The following NRK variants were observed in gnomAD, a reference collection of about 807,000 sequenced individuals.
NRK encodes the protein nik-related protein kinase.
In NRK, 67 loss-of-function variants were observed where a neutral mutation model predicts 125.2. The observed-to-expected ratio is 0.54, with a 90% CI of 0.44 to 0.66. The LOEUF (loss-of-function observed/expected upper bound fraction) is 0.66. Among genes scored for constraint, NRK ranks in the 30% least tolerant of loss-of-function variants. The pLI is 0.00. For missense variants in NRK, 1,224 were observed against 1,192.9 expected (o/e 1.03, Z -0.38); for synonymous variants, 458 against 429.0 (o/e 1.07, Z -0.84).
intron 21 of NRK, among the ~76,000 whole-genome samples, chrX:105,936,886 T>A (rs2040672584): frequency 9.0e-6 from 1 of 111,710 alleles, no homozygotes; most frequent in South Asian, 3.7e-4. Context: ...ATAGAATCAT[T>A]CAATTTAAAA....
At position 105,956,564 on chromosome X, in the gene NRK, T is replaced by C. The variant is rs1208152856; in HGVS notation, c.*964T>C. On this transcript the variant is annotated 3_prime_UTR_variant, in exon 29 of 29. Transcript: ENST00000243300. ...CCTTCCAGTATTAAACAAAAAGAAT[T>C]AAACATAACTATGAAAAAACTTTGC... The C allele has an allele frequency of 8.9e-6, 1 of 112,010 alleles. No homozygotes were observed. The highest frequency in any genetic ancestry group is 9.6e-5 in the Admixed American group (1 of 10,471). The allele number at this position is 112,010 out of a possible 1,213,427, so 9.2% of individuals were successfully genotyped here.
intron 2 of NRK, among the ~76,000 whole-genome samples, chrX:105,839,894 A>G (rs1381425844): frequency 1.8e-5 from 2 of 111,672 alleles, no homozygotes; most frequent in Non-Finnish European, 3.8e-5. Context: ...TTGTTCCTGT[A>G]TGTAGAAAGT....
chrX:105,920,643 A>G (rs2040429553), intron 16 of NRK, among the ~76,000 whole-genome samples: 1 of 110,825 alleles, frequency 9.0e-6, no homozygotes, highest in South Asian at 3.9e-4. Context: ...AGATAAAAAC[A>G]AACAACCCCA....
chrX:105,854,063 C>T, intron 2 of NRK, among the ~76,000 whole-genome samples: 1 of 111,786 alleles, frequency 8.9e-6, no homozygotes, highest in East Asian at 2.8e-4. Flanking sequence ...CAGCATTCTG[C>T]AGTAAATTTC....
At chrX:105,825,727 T>C (rs1415119373) in intron 1 of NRK, among the ~76,000 whole-genome samples, 1 of 111,684 alleles carries the variant, frequency 9.0e-6, no homozygotes, top group African/African-American at 3.3e-5. Context: ...TACAATGATA[T>C]AACTTTTTCA....
chrX:105,937,453 T>C lies in NRK; in HGVS notation c.3670T>C (p.Leu1224=), dbSNP rs1175086598. 8.4e-7 allele frequency: 1 copy of C among 1,189,738 alleles called. No individual in the cohort carries two copies. The highest frequency in any genetic ancestry group is 2.2e-5 in the Admixed American group (1 of 44,642). Residue 1224 remains leucine, a synonymous_variant, in exon 22 of 29, where the codon TTG becomes CTG. Coordinates refer to ENST00000243300, the MANE Select transcript of NRK (RefSeq NM_198465.4). Reference sequence around the variant, plus strand: ...TATATGAACAGGAGTCAATTTGCTGTTGGGAACCCGATCTAATCTATATCT... The same window carrying C: ...TATATGAACAGGAGTCAATTTGCTGCTGGGAACCCGATCTAATCTATATCT... ...CGSLWGVNLL[L]GTRSNLYLMD...
At chrX:105,848,761 G>A (rs923173722) in intron 2 of NRK, among the ~76,000 whole-genome samples, 6 of 111,508 alleles carry the variant, frequency 5.4e-5, no homozygotes, top group African/African-American at 2.0e-4. Context: ...CCTCATTCTT[G>A]CTTTAGATTC....
At chrX:105,951,451 C>T (rs1569322303) in intron 27 of NRK, among the ~76,000 whole-genome samples, 2 of 111,311 alleles carry the variant, frequency 1.8e-5, no homozygotes, top group African/African-American at 6.5e-5. Flanking sequence ...ACTATAAGAA[C>T]ATGATACTTT....
chrX:105,856,009 A>T lies in NRK; in HGVS notation c.124-24190A>T, dbSNP rs1003469444. 4.5e-5 allele frequency among the ~76,000 whole-genome samples: 5 copies of T among 111,791 alleles called. No homozygotes were observed. In the Admixed American group the frequency reaches 4.8e-4, roughly 11 times the overall value. On this transcript the variant is annotated intron_variant, in intron 2 of 28. Coordinates refer to ENST00000243300, the MANE Select transcript of NRK (RefSeq NM_198465.4). ...TGTAACATTTTTATTGCTTCTATTG[A>T]TCAGTTTCCTGTAATCGTTCCTTCT...
chrX:105,954,425 A>G (rs967606443), intron 28 of NRK, among the ~76,000 whole-genome samples: 5 of 110,537 alleles, frequency 4.5e-5, no homozygotes, highest in African/African-American at 1.7e-4. Flanking sequence ...CAGTATAATC[A>G]TATAATTTTT....
chrX:105,911,860 T>C (rs1417851350), intron 13 of NRK, among the ~76,000 whole-genome samples: 1 of 111,969 alleles, frequency 8.9e-6, no homozygotes, highest in East Asian at 2.8e-4. Context: ...TCATTTATTG[T>C]TTTAAACATA....
intron 4 of NRK, among the ~76,000 whole-genome samples, chrX:105,884,882 C>G (rs1433538899): frequency 8.9e-6 from 1 of 112,153 alleles, no homozygotes; most frequent in Non-Finnish European, 1.9e-5. Flanking sequence ...TCTTGGCCTC[C>G]TGGGTTCAAG....
At chrX:105,926,259 A>G (rs2040522816) in intron 19 of NRK, among the ~76,000 whole-genome samples, 2 of 111,510 alleles carry the variant, frequency 1.8e-5, no homozygotes, top group Non-Finnish European at 3.8e-5. Flanking sequence ...AGAAATGTCT[A>G]TTCAAATCAT....
At position 105,957,232 on chromosome X, in the gene NRK, T is replaced by C. The variant is rs2040988288; in HGVS notation, c.*1632T>C. ...ATAATGTGATCCTAAAACTGGCTTA[T>C]CCTTGAGTGTTTACAACTCAAACAA... On this transcript the variant is annotated 3_prime_UTR_variant, in exon 29 of 29. Transcript: ENST00000243300. 1 of 111,790 alleles carries C rather than the reference T, an allele frequency of 8.9e-6. No homozygotes were observed. The highest frequency in any genetic ancestry group is 3.7e-4 in the South Asian group (1 of 2,678). The allele number at this position is 111,790 out of a possible 1,213,427, so 9.2% of individuals were successfully genotyped here. A position where few individuals can be genotyped will look rare whatever the true frequency, so the allele number is the denominator to read the frequency against.
At chrX:105,936,386 C>A (rs759056585) in intron 21 of NRK, among the ~76,000 whole-genome samples, 17 of 111,852 alleles carry the variant, frequency 1.5e-4, no homozygotes, top group Admixed American at 5.7e-4. Context: ...ATTCTTATAA[C>A]GTGTAATTTT....
At chrX:105,861,163 A>T (rs777818450) in intron 2 of NRK, among the ~76,000 whole-genome samples, 2 of 112,079 alleles carry the variant, frequency 1.8e-5, no homozygotes, top group East Asian at 5.6e-4. Flanking sequence ...AAATTATTAT[A>T]GCCATTTTAG....
intron 26 of NRK, among the ~76,000 whole-genome samples, chrX:105,947,660 A>G (rs1038238090): frequency 9.0e-6 from 1 of 111,618 alleles, no homozygotes; most frequent in African/African-American, 3.2e-5. Flanking sequence ...GGCCTAAACC[A>G]ACAGTTCTCT....
intron 1 of NRK, among the ~76,000 whole-genome samples, chrX:105,825,868 T>G (rs931883526): frequency 1.8e-5 from 2 of 109,156 alleles, no homozygotes; most frequent in Non-Finnish European, 3.8e-5. Flanking sequence ...TTTCTATAGG[T>G]GAAAAAACAA....
At chrX:105,936,642 G>T (rs1274738488) in intron 21 of NRK, among the ~76,000 whole-genome samples, 2 of 111,666 alleles carry the variant, frequency 1.8e-5, no homozygotes, top group Admixed American at 1.9e-4. Flanking sequence ...TTACTTGGCT[G>T]GTTATTTCCT....
Sources: allele counts gnomAD v4.1 joint callset (sites outside exome capture counted in the v4.1 genomes callset), GRCh38; gene constraint gnomAD v4.1.1; transcripts MANE v1.5; gene names NCBI Gene and HGNC (gene_info 2026-07-23, HGNC 2026-07-21).